The following SEPTIN7 variants were observed in gnomAD, a reference collection of about 807,000 sequenced individuals.
SEPTIN7 encodes the protein septin 7, also known as septin-7.
Under a neutral mutation model 63.3 loss-of-function variants are expected in SEPTIN7, and 10 were observed. The ratio of observed to expected loss-of-function variants is 0.16; its 90% CI spans 0.10 to 0.27. SEPTIN7 has a LOEUF of 0.27. SEPTIN7 is among the 10% of genes least tolerant of loss of function. SEPTIN7 has a pLI of 1.00. For synonymous variants in SEPTIN7, 131 were observed against 165.3 expected, an observed-to-expected ratio of 0.79 and a Z score of 1.59; for missense variants, 310 against 521.0, an observed-to-expected ratio of 0.59 and a Z score of 3.94.
intron 1 of SEPTIN7, among the ~76,000 whole-genome samples, chr7:35,802,075 A>G (rs1479782006): frequency 6.6e-6 from 1 of 152,092 alleles, no homozygotes; most frequent in African/African-American, 2.4e-5. Flanking sequence ...AAAGGGTGGG[A>G]AGGGTCCTTG....
chr7:35,828,841 G>A (rs528747227), intron 1 of SEPTIN7, among the ~76,000 whole-genome samples: 332 of 152,210 alleles, frequency 2.2e-3, no homozygotes, highest in Non-Finnish European at 4.1e-3. Flanking sequence ...GCTCACTGAA[G>A]CCTCAACCTC....
At chr7:35,866,310 G>A (rs1785803121) in intron 4 of SEPTIN7, among the ~76,000 whole-genome samples, 1 of 152,204 alleles carries the variant, frequency 6.6e-6, no homozygotes, top group Admixed American at 6.5e-5. Flanking sequence ...TAATCTTTTT[G>A]ATAGTTGGCT....
intron 11 of SEPTIN7, among the ~76,000 whole-genome samples, chr7:35,896,018 C>T (rs1027684400): frequency 6.6e-6 from 1 of 152,152 alleles, no homozygotes; most frequent in African/African-American, 2.4e-5. Context: ...ACCATGTTGG[C>T]CACGCTGGTT....
In SEPTIN7 at chr7:35,873,637, A is replaced by G. The variant is rs763625464; in HGVS notation, c.378-4A>G. ...AGCTTGTTTTGTTTATTTGCGTTCT[A>G]TAGCTGGCAGCCTGTTATCGACTAC... On this transcript the variant is annotated splice_region_variant and splice_polypyrimidine_tract_variant and intron_variant, in intron 5 of 13. Coordinates refer to ENST00000350320, the MANE Select transcript of SEPTIN7 (RefSeq NM_001788.6). 1.7e-5 allele frequency: 28 copies of G among 1,607,176 alleles called. No homozygotes were observed. Among genetic ancestry groups the G allele is most frequent in the South Asian group, 8.9e-5 (8 of 90,200 alleles).
the SEPTIN7 span, among the ~76,000 whole-genome samples, chr7:35,912,471 T>C: frequency 1.3e-5 from 2 of 152,250 alleles, no homozygotes; most frequent in Non-Finnish European, 2.9e-5. Context: ...TGGCTTGCTG[T>C]TAATAAATAT....
At chr7:35,850,053 A>G (rs1784886457) in intron 3 of SEPTIN7, among the ~76,000 whole-genome samples, 1 of 152,204 alleles carries the variant, frequency 6.6e-6, no homozygotes, top group Non-Finnish European at 1.5e-5. Context: ...TCTTAATTTC[A>G]TCTACCTTTC....
At chr7:35,803,007 C>T (rs1176870802) in intron 1 of SEPTIN7, 2 of 202,314 alleles carry the variant, frequency 9.9e-6, no homozygotes, top group African/African-American at 4.7e-5. Context: ...CTTCATAACA[C>T]AGTTATTAAA....
chr7:35,804,248 G>C (rs906748712), intron 1 of SEPTIN7, among the ~76,000 whole-genome samples: 4 of 152,224 alleles, frequency 2.6e-5, no homozygotes, highest in African/African-American at 9.6e-5. Flanking sequence ...CCAGAAACCA[G>C]GGTGGCTTCC....
At chr7:35,810,073 A>G (rs1393494323) in intron 1 of SEPTIN7, among the ~76,000 whole-genome samples, 3 of 152,192 alleles carry the variant, frequency 2.0e-5, no homozygotes, top group African/African-American at 2.4e-5. Context: ...GAAACATGAA[A>G]TTGAGAGGCC....
chr7:35,900,116 G>C (rs1249212511), intron 12 of SEPTIN7: 1 of 152,164 alleles, frequency 6.6e-6, no homozygotes, highest in Non-Finnish European at 1.5e-5. Context: ...CATAACAAAA[G>C]TATGCTAATC....
At chr7:35,831,576 G>A (rs1783836095) in intron 2 of SEPTIN7, 80 bp downstream of exon 2, 1 of 373,804 alleles carries the variant, frequency 2.7e-6, no homozygotes, top group Non-Finnish European at 5.2e-6. Context: ...TGAAATATGA[G>A]CCAAGGAAAC....
At chr7:35,860,074 T>C (rs4591929) in intron 3 of SEPTIN7, among the ~76,000 whole-genome samples, 10,719 of 152,096 alleles carry the variant, frequency 0.07, 421 homozygotes, top group South Asian at 0.18. Flanking sequence ...TTGTTTGTGT[T>C]TACTTGATTT....
intron 10 of SEPTIN7, chr7:35,890,423 G>A (rs1787560539): frequency 8.7e-6 from 2 of 230,038 alleles, no homozygotes; most frequent in Admixed American, 1.1e-4. Context: ...ACTGTTTTTG[G>A]GGATTTATAG....
At chr7:35,817,889 GT>G (rs577855459) in intron 1 of SEPTIN7, among the ~76,000 whole-genome samples, 18 of 144,162 alleles carry the variant, frequency 1.2e-4, no homozygotes, top group East Asian at 8.1e-4. Context: ...TTCCTGTAGT[GT>G]TTTTTTTTTA....
At chr7:35,860,208 A>G (rs1206883646) in intron 3 of SEPTIN7, among the ~76,000 whole-genome samples, 2 of 151,818 alleles carry the variant, frequency 1.3e-5, no homozygotes. Context: ...AATTTTTTAT[A>G]CCAATCTAAC....
intron 3 of SEPTIN7, among the ~76,000 whole-genome samples, chr7:35,843,656 A>G (rs1784521577): frequency 6.6e-6 from 1 of 152,238 alleles, no homozygotes; most frequent in Non-Finnish European, 1.5e-5. Flanking sequence ...GTGGAGATAA[A>G]AAGCTCTGGA....
chr7:35,866,819 A>G (rs192067108), intron 4 of SEPTIN7, among the ~76,000 whole-genome samples: 3 of 152,332 alleles, frequency 2.0e-5, no homozygotes, highest in East Asian at 3.9e-4. Flanking sequence ...AGCTGACACC[A>G]GTCCTGGAAT....
chr7:35,863,493 A>AAAGG, intron 3 of SEPTIN7, 59 bp from the exon 4 acceptor site: 1 of 982,250 alleles, frequency 1.0e-6, no homozygotes. Flanking sequence ...CATCTGTTGA[A>AAAGG]TATTTAAGAT....
At chr7:35,826,703 A>C (rs1583514723) in intron 1 of SEPTIN7, among the ~76,000 whole-genome samples, 1 of 152,026 alleles carries the variant, frequency 6.6e-6, no homozygotes, top group African/African-American at 2.4e-5. Flanking sequence ...TTCTGTTACA[A>C]ACTCCCCTTG....
Sources: gnomAD v4.1 joint callset for allele counts (sites outside exome capture counted in the v4.1 genomes callset) on GRCh38, gnomAD v4.1.1 for gene constraint, MANE v1.5 for transcripts, NCBI Gene and HGNC (gene_info 2026-07-23, HGNC 2026-07-21) for gene names.